Variants in CD300LF observed in about 807,000 individuals in gnomAD.
The protein encoded by CD300LF is CD300 molecule like family member f.
CD300LF carries 27 observed loss-of-function variants against 32.2 expected under a neutral mutation model. The observed-to-expected ratio is 0.84, with a 90% CI of 0.62 to 1.15. The LOEUF is 1.15. CD300LF is among the 50% of genes most tolerant of loss of function. The probability of loss-of-function intolerance (pLI) is 0.00; values close to 1 mark genes in which losing one functional copy is unlikely to be tolerated. For missense variants in CD300LF, 348 were observed against 356.8 expected (o/e 0.98, Z 0.20); for synonymous variants, 139 against 143.2 (o/e 0.97, Z 0.21).
rs998332318 is a variant in CD300LF at position 74,704,621 on chromosome 17, A to G, written c.239T>C (p.Val80Ala). 3 of 1,614,050 alleles carry G rather than the reference A, an allele frequency of 1.9e-6. No homozygotes were observed. The African/African-American group carries it at 4.0e-5, about 22-fold the overall frequency. The change falls in exon 2 of 7, where the codon GTG becomes GCG. Residue 80 changes from valine to alanine, a missense_variant. By Grantham distance (64) the Val-to-Ala change is moderately conservative. Transcript: ENST00000326165. ...GTTTTTCTGATTGTCCTTGATGGACACCCGGTCCCTCTTCACCTCCTGCTC... is the reference window on the plus strand; with the variant it reads ...GTTTTTCTGATTGTCCTTGATGGACGCCCGGTCCCTCTTCACCTCCTGCTC... ...GSEQEVKRDR[V>A]SIKDNQKNRT...
rs1465192444 is a variant in CD300LF at position 74,698,409 on chromosome 17, G to A, written c.519C>T (p.Ala173=). Reference sequence around the variant, plus strand: ...TCATCATCCTCCAAGCCAAGAGTGAGGCGGCCACCAAAAGCAGCAGCAATA... The same window carrying A: ...TCATCATCCTCCAAGCCAAGAGTGAAGCGGCCACCAAAAGCAGCAGCAATA... ...FTILLLLLVA[A]SLLAWRMMKY... is the part of the protein sequence containing the mutation. Residue 173 remains alanine, a synonymous_variant, in exon 4 of 7, where the codon GCC becomes GCT. Coordinates refer to ENST00000326165, the MANE Select transcript of CD300LF (RefSeq NM_139018.5). The A allele has an allele frequency of 6.2e-7, 1 of 1,613,906 alleles. No homozygotes were observed. The highest frequency in any genetic ancestry group is 8.5e-7 in the Non-Finnish European group (1 of 1,180,026).
At chr17:74,711,323 C>T (rs1344346092) in intron 1 of CD300LF, among the ~76,000 whole-genome samples, 1 of 152,194 alleles carries the variant, frequency 6.6e-6, no homozygotes, top group Non-Finnish European at 1.5e-5. Flanking sequence ...ACGACTCTCA[C>T]ATCTGCTCAC....
At chr17:74,706,540 T>C (rs2143820098) in intron 1 of CD300LF, among the ~76,000 whole-genome samples, 2 of 152,130 alleles carry the variant, frequency 1.3e-5, no homozygotes, top group East Asian at 1.9e-4. Flanking sequence ...TGATGGCACA[T>C]GCCTGTAATC....
At position 74,710,305 on chromosome 17, in the gene CD300LF, G is replaced by A. The variant is rs577509225; in HGVS notation, c.43+2519C>T. Among the ~76,000 whole-genome samples the A allele has an allele frequency of 1.3e-4, 19 of 151,762 alleles. No individual in the cohort carries two copies. In the South Asian group the frequency reaches 3.6e-3, roughly 28 times the overall value. ...ATTCTAATCAATATAGGAAGATAAG[G>A]AAAAACATAAAATGTATAATTATCA... On this transcript the variant is annotated intron_variant, in intron 1 of 6. Coordinates refer to ENST00000326165, the MANE Select transcript of CD300LF (RefSeq NM_139018.5).
intron 4 of CD300LF, among the ~76,000 whole-genome samples, chr17:74,697,828 C>T (rs962035733): frequency 7.2e-5 from 11 of 152,178 alleles, no homozygotes; most frequent in African/African-American, 2.2e-4. Flanking sequence ...ATTCCAATTT[C>T]CTGATCAGAC....
chr17:74,695,440 C>G (rs867882349), intron 6 of CD300LF, among the ~76,000 whole-genome samples, 189 bp from the exon 7 acceptor site: 2 of 152,170 alleles, frequency 1.3e-5, no homozygotes, highest in Admixed American at 6.5e-5. Context: ...GATTCTCCCC[C>G]AACCCTGCAC....
chr17:74,694,993 C>G lies in CD300LF; in HGVS notation c.*103G>C, dbSNP rs963695048. 8 of 1,290,536 alleles carry G rather than the reference C, an allele frequency of 6.2e-6. No individual in the cohort carries two copies. In the African/African-American group the frequency reaches 1.0e-4, roughly 17 times the overall value. The allele number at this position is 1,290,536 out of a possible 1,614,324, so 79.9% of individuals were successfully genotyped here. Reference sequence around the variant, plus strand: ...AATGCTGGCTGATCAGGCAGAGGCACCAGTCCCCGGGTTGGTCCTGATGAG... The same window carrying G: ...AATGCTGGCTGATCAGGCAGAGGCAGCAGTCCCCGGGTTGGTCCTGATGAG... On this transcript the variant is annotated 3_prime_UTR_variant, in exon 7 of 7. Transcript: ENST00000326165.
chr17:74,699,012 A>C (rs144028707), intron 3 of CD300LF, among the ~76,000 whole-genome samples: 2,368 of 152,162 alleles, frequency 0.016, 65 homozygotes, highest in East Asian at 0.15. Flanking sequence ...TCCACCTCCC[A>C]GGTTCAAGAG....
chr17:74,702,600 G>A (rs530738697), intron 3 of CD300LF, among the ~76,000 whole-genome samples: 18 of 152,244 alleles, frequency 1.2e-4, no homozygotes, highest in African/African-American at 2.2e-4. Flanking sequence ...TCCTTTCCTT[G>A]TCCTCCCAGA....
At chr17:74,701,572 T>C (rs1021281320) in intron 3 of CD300LF, among the ~76,000 whole-genome samples, 1 of 151,978 alleles carries the variant, frequency 6.6e-6, no homozygotes, top group Non-Finnish European at 1.5e-5. Flanking sequence ...AAAAGAAAAA[T>C]AGGGACAAAG....
intron 3 of CD300LF, among the ~76,000 whole-genome samples, chr17:74,701,461 A>T (rs934216932): frequency 3.3e-5 from 5 of 152,260 alleles, no homozygotes; most frequent in Non-Finnish European, 5.9e-5. Context: ...GATTCATAAA[A>T]TAATAAATAA....
In CD300LF at chr17:74,694,996, G is replaced by T; in HGVS notation, c.*100C>A. ...GCTGGCTGATCAGGCAGAGGCACCA[G>T]TCCCCGGGTTGGTCCTGATGAGGGG... On this transcript the variant is annotated 3_prime_UTR_variant, in exon 7 of 7. Transcript: ENST00000326165. 7.5e-7 allele frequency: 1 copy of T among 1,327,260 alleles called. No individual in the cohort carries two copies. Among genetic ancestry groups the T allele is most frequent in the Non-Finnish European group, 1.0e-6 (1 of 965,356 alleles). The allele number at this position is 1,327,260 out of a possible 1,614,324, so 82.2% of individuals were successfully genotyped here.
chr17:74,708,642 C>G (rs1035319771), intron 1 of CD300LF, among the ~76,000 whole-genome samples: 10 of 152,210 alleles, frequency 6.6e-5, no homozygotes, highest in Admixed American at 1.3e-4. Context: ...GGAGGCTGGA[C>G]GCGGTGGCTT....
intron 3 of CD300LF, among the ~76,000 whole-genome samples, chr17:74,698,826 C>T (rs1385257469): frequency 6.6e-6 from 1 of 152,044 alleles, no homozygotes; most frequent in Admixed American, 6.6e-5. Context: ...TGCAATTTAC[C>T]GATATAACAA....
At chr17:74,711,315 G>T (rs116798213) in intron 1 of CD300LF, among the ~76,000 whole-genome samples, 1 of 152,054 alleles carries the variant, frequency 6.6e-6, no homozygotes, top group Non-Finnish European at 1.5e-5. Context: ...CTCCCAACAC[G>T]ACTCTCACAT....
chr17:74,708,802 G>A (rs2033728107), intron 1 of CD300LF, among the ~76,000 whole-genome samples: 1 of 151,754 alleles, frequency 6.6e-6, no homozygotes, highest in Non-Finnish European at 1.5e-5. Flanking sequence ...TGTAGTCCCA[G>A]CTACTCGGAG....
At chr17:74,700,752 A>G (rs2032974136) in intron 3 of CD300LF, among the ~76,000 whole-genome samples, 1 of 152,122 alleles carries the variant, frequency 6.6e-6, no homozygotes, top group Admixed American at 6.5e-5. Flanking sequence ...ACTCCGTCTC[A>G]AAACAAACAA....
intron 3 of CD300LF, 34 bp downstream of exon 3, chr17:74,703,001 C>T (rs771595652): frequency 6.4e-7 from 1 of 1,571,570 alleles, no homozygotes; most frequent in East Asian, 2.2e-5. Context: ...GAGTTTGGGC[C>T]AAGTAGGCCA....
intron 1 of CD300LF, among the ~76,000 whole-genome samples, chr17:74,712,529 C>T (rs994961463): frequency 6.6e-6 from 1 of 152,244 alleles, no homozygotes; most frequent in Admixed American, 6.5e-5. Context: ...CTCTCCTGAG[C>T]AGCCCATGTT....
Sources: allele counts gnomAD v4.1 joint callset (sites outside exome capture counted in the v4.1 genomes callset), GRCh38; gene constraint gnomAD v4.1.1; transcripts MANE v1.5; gene names NCBI Gene and HGNC (gene_info 2026-07-23, HGNC 2026-07-21).